GRK5: variants seen among roughly 807,000 people sequenced by gnomAD.
GRK5 encodes the protein G protein-coupled receptor kinase 5.
In GRK5, 40 loss-of-function variants were observed where a neutral mutation model predicts 78.4. That is an observed-to-expected ratio of 0.51 (90% CI 0.40 to 0.66). The LOEUF (loss-of-function observed/expected upper bound fraction) is 0.66. Ranked by LOEUF, GRK5 falls within the 30% of genes least tolerant of loss-of-function variation. The pLI, the probability that GRK5 is intolerant of heterozygous loss-of-function variation, is 0.00. For missense variants in GRK5, 598 were observed against 759.9 expected (o/e 0.79, Z 2.50); for synonymous variants, 289 against 296.8 (o/e 0.97, Z 0.27).
intron 1 of GRK5, among the ~76,000 whole-genome samples, chr10:119,216,529 C>T (rs1002616863): frequency 1.3e-5 from 2 of 152,192 alleles, no homozygotes; most frequent in African/African-American, 4.8e-5. Context: ...GGAGTCAGGG[C>T]CGGGTGCAGT....
At chr10:119,415,991 C>T (rs1852442785) in intron 4 of GRK5, among the ~76,000 whole-genome samples, 1 of 152,210 alleles carries the variant, frequency 6.6e-6, no homozygotes, top group Non-Finnish European at 1.5e-5. Flanking sequence ...GCCTGTGTTT[C>T]TGGACAGTTC....
chr10:119,363,240 C>T (rs1851393540), intron 2 of GRK5, among the ~76,000 whole-genome samples: 1 of 150,388 alleles, frequency 6.6e-6, no homozygotes, highest in Non-Finnish European at 1.5e-5. Flanking sequence ...AAGATTGCAT[C>T]ACTGCACTCC....
chr10:119,277,205 C>T (rs1185875729), intron 1 of GRK5, among the ~76,000 whole-genome samples: 1 of 152,120 alleles, frequency 6.6e-6, no homozygotes, highest in Non-Finnish European at 1.5e-5. Context: ...CGGGTGCCGA[C>T]ACCTTGATCA....
intron 1 of GRK5, among the ~76,000 whole-genome samples, chr10:119,255,339 T>A (rs150799459): frequency 6.0e-4 from 92 of 152,256 alleles, no homozygotes; most frequent in Admixed American, 1.0e-3. Flanking sequence ...GGGGCCTTTG[T>A]CACCAGCAGG....
chr10:119,455,309 T>C lies in GRK5; in HGVS notation c.*242T>C. 1.5e-6 allele frequency: 1 copy of C among 684,104 alleles called. No individual in the cohort carries two copies. The allele number at this position is 684,104 out of a possible 1,614,324, so 42.4% of individuals were successfully genotyped here. On this transcript the variant is annotated 3_prime_UTR_variant, in exon 16 of 16. Transcript: ENST00000392870. ...GATTTGTCTTTGGTGAACATTGCAATAGAAATCCAATTGGATACGACAACT... is the reference window on the plus strand; with the variant it reads ...GATTTGTCTTTGGTGAACATTGCAACAGAAATCCAATTGGATACGACAACT...
chr10:119,308,989 C>G (rs1181997068), intron 1 of GRK5, among the ~76,000 whole-genome samples: 2 of 152,222 alleles, frequency 1.3e-5, no homozygotes, highest in Admixed American at 1.3e-4. Context: ...GGAGCTCCCT[C>G]CAGTGAGGAG....
chr10:119,274,024 G>C (rs1016022045), intron 1 of GRK5, among the ~76,000 whole-genome samples: 2 of 152,166 alleles, frequency 1.3e-5, no homozygotes, highest in African/African-American at 4.8e-5. Context: ...CGGATTATAG[G>C]CGTCAACTAC....
chr10:119,386,275 C>T lies in GRK5; in HGVS notation c.261+5348C>T, dbSNP rs142391546. Among the ~76,000 whole-genome samples the T allele has an allele frequency of 3.9e-5, 6 of 152,242 alleles. No individual in the cohort carries two copies. The East Asian group carries it at 9.7e-4, about 25-fold the overall frequency. On this transcript the variant is annotated intron_variant, in intron 3 of 15. Transcript: ENST00000392870. ...AAACAAATCCACGTGGATGGAGAAG[C>T]GTGAGGACAAAAGATGCCCCGGACC...
chr10:119,249,645 G>A (rs182491081), intron 1 of GRK5, among the ~76,000 whole-genome samples: 22 of 152,106 alleles, frequency 1.4e-4, no homozygotes, highest in African/African-American at 5.1e-4. Flanking sequence ...CTACAGGTGC[G>A]CTCCACCATG....
intron 1 of GRK5, among the ~76,000 whole-genome samples, chr10:119,306,107 G>A (rs931493163): frequency 1.1e-4 from 16 of 152,252 alleles, no homozygotes; most frequent in African/African-American, 2.6e-4. Flanking sequence ...GGCAGTGCCC[G>A]CCTGGGCTGG....
chr10:119,377,544 T>G (rs1851644465), intron 2 of GRK5, among the ~76,000 whole-genome samples: 1 of 152,182 alleles, frequency 6.6e-6, no homozygotes, highest in African/African-American at 2.4e-5. Context: ...CTTTTATTTC[T>G]CTCTAGGCTT....
At chr10:119,401,656 G>A (rs1182387708) in intron 4 of GRK5, among the ~76,000 whole-genome samples, 2 of 152,192 alleles carry the variant, frequency 1.3e-5, no homozygotes, top group Non-Finnish European at 2.9e-5. Context: ...ATGGTAGCTG[G>A]GGCATCTTAA....
chr10:119,452,303 G>C lies in GRK5; in HGVS notation c.1405-368G>C, dbSNP rs901988957. 7.6e-5 allele frequency: 19 copies of C among 250,540 alleles called. No homozygotes were observed. The highest frequency in any genetic ancestry group is 1.2e-4 in the Non-Finnish European group (15 of 127,418). The allele number at this position is 250,540 out of a possible 1,614,324, so 15.5% of individuals were successfully genotyped here. A position where few individuals can be genotyped will look rare whatever the true frequency, so the allele number is the denominator to read the frequency against. ...CTCTAGCCCACGTCTGTCCAGTATGGGTAAGGGAGTGATGGCAGGAATGAG... is the reference window on the plus strand; with the variant it reads ...CTCTAGCCCACGTCTGTCCAGTATGCGTAAGGGAGTGATGGCAGGAATGAG... On this transcript the variant is annotated intron_variant, in intron 13 of 15. Transcript: ENST00000392870. This position sits in a 1 kb window ranked among gnomAD's most constrained non-coding sequence, Gnocchi z 4.4.
At chr10:119,401,680 G>C (rs1852153133) in intron 4 of GRK5, among the ~76,000 whole-genome samples, 1 of 152,246 alleles carries the variant, frequency 6.6e-6, no homozygotes, top group Admixed American at 6.5e-5. Flanking sequence ...CCCAGCAGCA[G>C]TGCTTGTCAT....
chr10:119,282,329 C>T (rs1849775722), intron 1 of GRK5, among the ~76,000 whole-genome samples: 1 of 152,222 alleles, frequency 6.6e-6, no homozygotes, highest in South Asian at 2.1e-4. Context: ...TCCTGGAGCT[C>T]CAGACTGCAG....
rs1409928965 is a variant in GRK5 at position 119,207,694 on chromosome 10, AG to A, written c.-221del. On this transcript the variant is annotated 5_prime_UTR_variant, in exon 1 of 16. Transcript: ENST00000392870. ...GAGGGAGGGGGGAGGGGGGACACAG[AG>A]GGAGGAAGAAGCGGCGGCGGCGGCG... The A allele has an allele frequency of 2.5e-6, 1 of 407,368 alleles. No homozygotes were observed. Among genetic ancestry groups the A allele is most frequent in the African/African-American group, 4.8e-5 (1 of 20,868 alleles). 25.2% of individuals were successfully genotyped at this position (407,368 alleles called of 1,614,324 possible).
At chr10:119,411,839 C>CTTTTTTTTT (rs1554919064) in intron 4 of GRK5, among the ~76,000 whole-genome samples, 1 of 55,620 alleles carries the variant, frequency 1.8e-5, no homozygotes, top group Non-Finnish European at 3.7e-5. Flanking sequence ...TGCAGATCTG[C>CTTTTTTTTT]TTCTTTTTTT....
Position 119,271,807 on chromosome 10 carries a change from C to T in GRK5, c.53-54709C>T, listed in dbSNP as rs1241197052. ...TCCAGCACTTTGATTAGCTGTGTGA[C>T]GTTGGGGAAGTTGCTTGCCTAATAT... On this transcript the variant is annotated intron_variant, in intron 1 of 15. Coordinates refer to ENST00000392870, the MANE Select transcript of GRK5 (RefSeq NM_005308.3). This position sits in a 1 kb window ranked among gnomAD's most constrained non-coding sequence, Gnocchi z 4.1. 6.6e-6 allele frequency among the ~76,000 whole-genome samples: 1 copy of T among 152,162 alleles called. No homozygotes were observed. Among genetic ancestry groups the T allele is most frequent in the East Asian group, 1.9e-4 (1 of 5,184 alleles).
chr10:119,445,488 A>C lies in GRK5; in HGVS notation c.1266+1736A>C, dbSNP rs1853126533. On this transcript the variant is annotated intron_variant, in intron 12 of 15. Coordinates refer to ENST00000392870, the MANE Select transcript of GRK5 (RefSeq NM_005308.3). The surrounding 1 kb of genome is among the most constrained non-coding windows in gnomAD (Gnocchi z 4.1). ...CTTTGGAGCTGGGATCTCCTGCTGC[A>C]GCCTGGACCAGGGTGCTGCTGTCCC... is the stretch of plus-strand genomic sequence containing the variant. Among the ~76,000 whole-genome samples, 1 of 152,074 alleles carries C rather than the reference A, an allele frequency of 6.6e-6. No homozygotes were observed. The highest frequency in any genetic ancestry group is 1.5e-5 in the Non-Finnish European group (1 of 67,984).
Sources: allele counts gnomAD v4.1 joint callset (sites outside exome capture counted in the v4.1 genomes callset), GRCh38; gene constraint gnomAD v4.1.1; non-coding constraint Gnocchi (gnomAD v3.1); transcripts MANE v1.5; gene names NCBI Gene and HGNC (gene_info 2026-07-23, HGNC 2026-07-21).